PEX5L: variants seen among roughly 807,000 people sequenced by gnomAD.
The protein encoded by PEX5L is PEX5-related protein.
A neutral mutation model predicts 84.0 loss-of-function variants in PEX5L; 30 were observed. That is an observed-to-expected ratio of 0.36 (90% CI 0.27 to 0.48). The LOEUF is 0.48. Ranked by LOEUF, PEX5L falls within the 20% of genes least tolerant of loss-of-function variation. The pLI is 0.99. For missense variants in PEX5L, 533 were observed against 754.6 expected (o/e 0.71, Z 3.44); for synonymous variants, 270 against 283.1 (o/e 0.95, Z 0.46).
chr3:179,920,036 G>A (rs1768758380), intron 2 of PEX5L, among the ~76,000 whole-genome samples: 1 of 152,182 alleles, frequency 6.6e-6, no homozygotes, highest in Non-Finnish European at 1.5e-5. Flanking sequence ...GTTTAGAAGT[G>A]CTTGCCTTTC....
chr3:179,834,892 T>G (rs1734397918), intron 8 of PEX5L, among the ~76,000 whole-genome samples: 1 of 152,174 alleles, frequency 6.6e-6, no homozygotes, highest in South Asian at 2.1e-4. Context: ...TGTAATCAAG[T>G]TCAGACGAGG....
intron 11 of PEX5L, 55 bp from the exon 12 acceptor site, chr3:179,809,723 G>T: frequency 7.4e-7 from 1 of 1,348,186 alleles, no homozygotes; most frequent in Non-Finnish European, 1.0e-6. Context: ...CAATCTAACA[G>T]TTCTTCAGAA....
intron 1 of PEX5L, among the ~76,000 whole-genome samples, chr3:180,027,374 GA>G (rs751649978): frequency 6.6e-6 from 1 of 152,142 alleles, no homozygotes; most frequent in Non-Finnish European, 1.5e-5. Context: ...TAAGCTTACA[GA>G]AAAATTACAA....
At chr3:179,870,274 A>G (rs1749825404) in intron 7 of PEX5L, among the ~76,000 whole-genome samples, 1 of 152,138 alleles carries the variant, frequency 6.6e-6, no homozygotes, top group African/African-American at 2.4e-5. Flanking sequence ...TATTTTTCAG[A>G]CCCTGAATTC....
At chr3:179,976,748 GAATGGA>G (rs1335311784) in intron 1 of PEX5L, among the ~76,000 whole-genome samples, 2 of 152,108 alleles carry the variant, frequency 1.3e-5, no homozygotes, top group Non-Finnish European at 2.9e-5. Flanking sequence ...AGGAAATCTT[GAATGGA>G]AATGGAAATG....
intron 3 of PEX5L, among the ~76,000 whole-genome samples, chr3:179,894,636 C>T (rs901596437): frequency 2.0e-5 from 3 of 152,220 alleles, no homozygotes; most frequent in East Asian, 1.9e-4. Context: ...CCAAACAAGG[C>T]TGTACTTACT....
At chr3:179,893,060 G>A (rs568493276) in intron 3 of PEX5L, among the ~76,000 whole-genome samples, 2 of 152,184 alleles carry the variant, frequency 1.3e-5, no homozygotes. Context: ...TTGCATGTAG[G>A]GGCTTGTTGT....
rs143207793 is a variant in PEX5L, at chr3:179,873,618, G to T, written c.726+709C>A. Among the ~76,000 whole-genome samples the T allele has an allele frequency of 6.2e-4, 95 of 152,228 alleles. No individual in the cohort carries two copies. The East Asian group carries it at 0.017, about 27-fold the overall frequency. On this transcript the variant is annotated intron_variant, in intron 7 of 14. Coordinates refer to ENST00000467460, the MANE Select transcript of PEX5L (RefSeq NM_016559.3). ...AACAGCTAGTTAAACTGGACTTAAG[G>T]TTCAAGTAATGGACAGACAGACCTG...
chr3:179,881,639 G>T (rs976838074), intron 4 of PEX5L: 4 of 152,036 alleles, frequency 2.6e-5, no homozygotes, highest in African/African-American at 9.7e-5. Flanking sequence ...TATCCTTTTT[G>T]TTGTTGTTGT....
chr3:179,983,752 A>G (rs1361307395), intron 1 of PEX5L, among the ~76,000 whole-genome samples: 1 of 152,108 alleles, frequency 6.6e-6, no homozygotes, highest in Non-Finnish European at 1.5e-5. Flanking sequence ...GTTTGTTGCC[A>G]AAATTAAATA....
At chr3:179,900,728 CCTA>C in intron 2 of PEX5L, 1 of 1,535,326 alleles carries the variant, frequency 6.5e-7, no homozygotes, top group Non-Finnish European at 8.7e-7. Flanking sequence ...CAAGGTTACA[CCTA>C]CTACCTGAAA....
chr3:179,840,496 A>C (rs1736836925), intron 8 of PEX5L, among the ~76,000 whole-genome samples: 1 of 152,056 alleles, frequency 6.6e-6, no homozygotes, highest in African/African-American at 2.4e-5. Flanking sequence ...GCCTACTGTC[A>C]GGTTTTAAGC....
At chr3:179,928,422 G>T (rs934084574) in intron 2 of PEX5L, among the ~76,000 whole-genome samples, 10 of 152,118 alleles carry the variant, frequency 6.6e-5, no homozygotes, top group Non-Finnish European at 1.2e-4. Context: ...ATGGCTGAGG[G>T]TGGGGACTGA....
At chr3:179,967,882 G>T (rs1443635453) in intron 2 of PEX5L, among the ~76,000 whole-genome samples, 2 of 152,134 alleles carry the variant, frequency 1.3e-5, no homozygotes, top group Non-Finnish European at 2.9e-5. Flanking sequence ...AAGAAACCCC[G>T]GGGGTGGGAT....
intron 1 of PEX5L, among the ~76,000 whole-genome samples, chr3:179,999,436 A>G (rs1467468092): frequency 6.6e-6 from 1 of 152,156 alleles, no homozygotes; most frequent in Non-Finnish European, 1.5e-5. Context: ...GCTCAGCAAC[A>G]TGGACTTCTA....
At chr3:179,845,960 A>G (rs1739164368) in intron 8 of PEX5L, among the ~76,000 whole-genome samples, 1 of 152,208 alleles carries the variant, frequency 6.6e-6, no homozygotes, top group Non-Finnish European at 1.5e-5. Flanking sequence ...ACCTGAGGTC[A>G]GGAGTTTGAG....
chr3:180,022,976 T>G (rs1044669993), intron 1 of PEX5L, among the ~76,000 whole-genome samples: 1 of 152,218 alleles, frequency 6.6e-6, no homozygotes, highest in Non-Finnish European at 1.5e-5. Flanking sequence ...CAGTGATTTC[T>G]ACCCTCCAAG....
At chr3:180,033,799 G>T (rs1344995112) in intron 1 of PEX5L, among the ~76,000 whole-genome samples, 1 of 152,176 alleles carries the variant, frequency 6.6e-6, no homozygotes, top group Non-Finnish European at 1.5e-5. Context: ...GGAAATAATT[G>T]GTAAGGCAGC....
At chr3:179,816,850 T>G (rs1022650574) in intron 9 of PEX5L, among the ~76,000 whole-genome samples, 1 of 152,142 alleles carries the variant, frequency 6.6e-6, no homozygotes, top group African/African-American at 2.4e-5. Context: ...AAAGTTTAGA[T>G]AATACTAAAT....
Sources: allele counts gnomAD v4.1 joint callset (sites outside exome capture counted in the v4.1 genomes callset), GRCh38; gene constraint gnomAD v4.1.1; transcripts MANE v1.5; gene names NCBI Gene and HGNC (gene_info 2026-07-23, HGNC 2026-07-21).